Variants in DSTYK observed in about 807,000 individuals in gnomAD.
DSTYK encodes RIP-homologous kinase.
A neutral mutation model predicts 98.7 loss-of-function variants in DSTYK; 34 were observed. That is an observed-to-expected ratio of 0.34 (90% confidence interval 0.26 to 0.46). DSTYK has a LOEUF of 0.46. Ranked by LOEUF, DSTYK falls within the 20% of genes least tolerant of loss-of-function variation. The pLI, the probability that DSTYK is intolerant of heterozygous loss-of-function variation, is 1.00. For missense variants in DSTYK, 962 were observed against 1,181.7 expected, an observed-to-expected ratio of 0.81 and a Z score of 2.73; for synonymous variants, 462 against 457.3, an observed-to-expected ratio of 1.01 and a Z score of -0.13.
At chr1:205,180,433 G>C (rs934883913) in intron 2 of DSTYK, among the ~76,000 whole-genome samples, 6 of 152,116 alleles carry the variant, frequency 3.9e-5, no homozygotes, top group Admixed American at 6.6e-5. Context: ...TCCCTGCAAA[G>C]GACATGAACT....
At chr1:205,181,650 T>TGGGG (rs201101134) in intron 2 of DSTYK, among the ~76,000 whole-genome samples, 44 of 109,742 alleles carry the variant, frequency 4.0e-4, no homozygotes, top group South Asian at 2.4e-3. Context: ...CCACAGATGT[T>TGGGG]GGGGTTTGTG....
intron 1 of DSTYK, among the ~76,000 whole-genome samples, chr1:205,204,283 G>A (rs771242471): frequency 6.6e-6 from 1 of 152,148 alleles, no homozygotes; most frequent in Non-Finnish European, 1.5e-5. Context: ...CCCATGGTCA[G>A]GTCAGAAAAG....
In DSTYK at chr1:205,169,741, G is replaced by A. The variant is rs549446265; in HGVS notation, c.746C>T (p.Thr249Ile). ...GAGTTCATCTTTGTGGAGTGCATAGGTTATCACAGGCAAGAAATCATTCAC... is the reference window on the plus strand; with the variant it reads ...GAGTTCATCTTTGTGGAGTGCATAGATTATCACAGGCAAGAAATCATTCAC... ...DLVNDFLPVITYALHKDELSE... is the reference protein window; with the variant it reads ...DLVNDFLPVIIYALHKDELSE... Residue 249 changes from threonine (T) to isoleucine (I), a missense_variant, in exon 3 of 13, where the codon ACC becomes ATC. By Grantham distance (89) the Thr-to-Ile change is moderately conservative. Transcript: ENST00000367162. The surrounding 1 kb of genome is among the most constrained non-coding windows in gnomAD (Gnocchi z 4.0). 2 of 1,614,204 alleles carry A rather than the reference G, an allele frequency of 1.2e-6. No homozygotes were observed. The highest frequency in any genetic ancestry group is 1.3e-5 in the African/African-American group (1 of 75,048).
intron 1 of DSTYK, among the ~76,000 whole-genome samples, chr1:205,188,072 C>T (rs1015288729): frequency 2.8e-4 from 43 of 152,132 alleles, no homozygotes; most frequent in African/African-American, 9.4e-4. Flanking sequence ...GTGACCTGAT[C>T]TTCCCGCCCC....
chr1:205,201,271 T>G lies in DSTYK; in HGVS notation c.265+10000A>C, dbSNP rs188193203. 3.0e-4 allele frequency among the ~76,000 whole-genome samples: 45 copies of G among 152,244 alleles called. 1 individual carries two copies. The highest frequency in any genetic ancestry group is 2.9e-3 in the Admixed American group (44 of 15,284). On this transcript the variant is annotated intron_variant, in intron 1 of 12. Coordinates refer to ENST00000367162, the MANE Select transcript of DSTYK (RefSeq NM_015375.3). The stretch of plus-strand genomic sequence containing the variant: ...GTTTGTAACTTAAAGGATAAATGTT[T>G]AAGGGGATGGCTACCCCATTCTCCA...
intron 2 of DSTYK, among the ~76,000 whole-genome samples, chr1:205,174,527 A>G (rs1658168826): frequency 6.6e-6 from 1 of 150,476 alleles, no homozygotes; most frequent in Non-Finnish European, 1.5e-5. Context: ...AAAAAAAAAA[A>G]AAAAAATTAG....
At chr1:205,159,878 T>A in intron 8 of DSTYK, 199 bp from the exon 9 acceptor site, 1 of 792,644 alleles carries the variant, frequency 1.3e-6, no homozygotes, top group South Asian at 1.8e-5. Flanking sequence ...TTCTAAAAAC[T>A]GATAAGGCTT....
chr1:205,163,741 G>A lies in DSTYK; in HGVS notation c.1539C>T (p.Thr513=), dbSNP rs1172558720. The A allele has an allele frequency of 1.5e-5, 25 of 1,613,676 alleles. No homozygotes were observed. Among genetic ancestry groups the A allele is most frequent in the Non-Finnish European group, 2.1e-5 (25 of 1,179,822 alleles). The change falls in exon 4 of 13, where the codon ACC becomes ACT. Residue 513 remains threonine (T), a synonymous_variant. Coordinates refer to ENST00000367162, the MANE Select transcript of DSTYK (RefSeq NM_015375.3). ...TGTCTACCTGTTTGAGATAATTACT[G>A]GTGATGTGAACTGAGACATCCTGAG... ...EKSQDVSVHI[T]SNYLKQILNA... is the part of the protein sequence containing the mutation.
At chr1:205,159,756 A>G (rs1657663880) in intron 8 of DSTYK, 77 bp from the exon 9 acceptor site, 2 of 1,579,514 alleles carry the variant, frequency 1.3e-6, no homozygotes, top group East Asian at 2.2e-5. Flanking sequence ...GTATGAGACA[A>G]TAATTTCCAG....
chr1:205,206,398 G>C (rs1363450573), intron 1 of DSTYK, among the ~76,000 whole-genome samples: 1 of 151,548 alleles, frequency 6.6e-6, no homozygotes, highest in East Asian at 2.0e-4. Context: ...TCCTGCCTCA[G>C]CCTCCTGAGT....
intron 11 of DSTYK, among the ~76,000 whole-genome samples, 160 bp from the exon 12 acceptor site, chr1:205,148,499 C>A (rs1006641660): frequency 6.6e-6 from 1 of 152,122 alleles, no homozygotes; most frequent in Admixed American, 6.5e-5. Context: ...ATTTATAATG[C>A]CCATTTTACA....
At position 205,194,262 on chromosome 1, in the gene DSTYK, C is replaced by A. The variant is rs376472857; in HGVS notation, c.266-6456G>T. ...TTAGAGAAGTGTTGGCCATGACCCT[C>A]AAGATGAGTGAGGAAATCTATCACA... On this transcript the variant is annotated intron_variant, in intron 1 of 12. Transcript: ENST00000367162. Among the ~76,000 whole-genome samples, 34 of 152,308 alleles carry A rather than the reference C, an allele frequency of 2.2e-4. No homozygotes were observed. In the South Asian group the frequency reaches 6.2e-3, roughly 28 times the overall value.
chr1:205,172,625 A>G (rs559302987), intron 2 of DSTYK, among the ~76,000 whole-genome samples: 1 of 152,048 alleles, frequency 6.6e-6, no homozygotes, highest in African/African-American at 2.4e-5. Flanking sequence ...TTGAGTTTTT[A>G]AAATCTTTTT....
chr1:205,202,813 C>A, intron 1 of DSTYK: 1 of 536,320 alleles, frequency 1.9e-6, no homozygotes, highest in Non-Finnish European at 3.3e-6. Flanking sequence ...TAAATAAAGG[C>A]ATAATCTGTA....
intron 2 of DSTYK, among the ~76,000 whole-genome samples, chr1:205,171,454 T>TAAAA (rs10536424): frequency 2.6e-5 from 3 of 115,174 alleles, no homozygotes; most frequent in Non-Finnish European, 5.5e-5. Flanking sequence ...CTGTCTCAAT[T>TAAAA]AAAAAAAAAA....
At chr1:205,176,412 G>C (rs1038960749) in intron 2 of DSTYK, among the ~76,000 whole-genome samples, 2 of 147,368 alleles carry the variant, frequency 1.4e-5, no homozygotes, top group African/African-American at 5.1e-5. Context: ...GGAGGCGGAG[G>C]TTGCGGTGAG....
chr1:205,183,159 GAAGA>G (rs1479180422), intron 2 of DSTYK, among the ~76,000 whole-genome samples: 1 of 151,700 alleles, frequency 6.6e-6, no homozygotes, highest in African/African-American at 2.4e-5. Flanking sequence ...AGATTTGTAA[GAAGA>G]AAGAAAAAGA....
At chr1:205,176,584 G>A (rs780182963) in intron 2 of DSTYK, among the ~76,000 whole-genome samples, 1 of 145,966 alleles carries the variant, frequency 6.9e-6, no homozygotes. Flanking sequence ...TGGGTATAAA[G>A]TGTAAAATGA....
chr1:205,168,325 C>T (rs181078204), intron 3 of DSTYK, among the ~76,000 whole-genome samples: 39 of 152,258 alleles, frequency 2.6e-4, no homozygotes, highest in Admixed American at 1.5e-3. Flanking sequence ...CTGTGTGACC[C>T]TGGGCAAATT....
Sources: gnomAD v4.1 joint callset for allele counts (sites outside exome capture counted in the v4.1 genomes callset) on GRCh38, gnomAD v4.1.1 for gene constraint, Gnocchi (gnomAD v3.1) non-coding constraint, MANE v1.5 for transcripts, NCBI Gene and HGNC (gene_info 2026-07-23, HGNC 2026-07-21) for gene names.